Variants in PRKDC observed in about 807,000 individuals in gnomAD.
PRKDC encodes protein kinase, DNA-activated, catalytic subunit.
A neutral mutation model predicts 486.9 loss-of-function variants in PRKDC; 82 were observed. That is an observed-to-expected ratio of 0.17 (90% confidence interval 0.14 to 0.20). The LOEUF (loss-of-function observed/expected upper bound fraction) is 0.20. PRKDC is among the 10% of genes least tolerant of loss of function. The pLI is 1.00. For missense variants in PRKDC, 4,504 were observed against 5,038.2 expected, an observed-to-expected ratio of 0.89 and a Z score of 3.21; for synonymous variants, 1,895 against 1,837.0, an observed-to-expected ratio of 1.03 and a Z score of -0.81.
At chr8:47,930,274 T>C (rs978845592) in intron 17 of PRKDC, among the ~76,000 whole-genome samples, 1 of 152,198 alleles carries the variant, frequency 6.6e-6, no homozygotes, top group African/African-American at 2.4e-5. Context: ...TTATTATTTG[T>C]TATTTATTTA....
Position 47,804,461 on chromosome 8 carries a change from G to A in PRKDC, c.9748-981C>T, listed in dbSNP as rs552507845. Among the ~76,000 whole-genome samples the A allele has an allele frequency of 2.0e-5, 3 of 151,958 alleles. No individual in the cohort carries two copies. In the South Asian group the frequency reaches 6.2e-4, roughly 32 times the overall value. The stretch of plus-strand genomic sequence containing the variant: ...ATTACAAGTGTGTGCTACCACATCT[G>A]GCTAATTTTTGTATTTTTAGTAGAG... On this transcript the variant is annotated intron_variant, in intron 69 of 85. Transcript: ENST00000314191.
intron 21 of PRKDC, 81 bp downstream of exon 21, chr8:47,927,113 A>C: frequency 7.4e-7 from 1 of 1,343,780 alleles, no homozygotes; most frequent in Non-Finnish European, 1.0e-6. Context: ...TTCAGAAGTT[A>C]CAAAAATACA....
intron 67 of PRKDC, among the ~76,000 whole-genome samples, chr8:47,818,745 A>G (rs2087512045): frequency 6.6e-6 from 1 of 152,230 alleles, no homozygotes. Context: ...GTAGACATAA[A>G]TATCAGTTTT....
chr8:47,910,210 T>A (rs1412550246), intron 25 of PRKDC, among the ~76,000 whole-genome samples: 1 of 152,070 alleles, frequency 6.6e-6, no homozygotes, highest in Non-Finnish European at 1.5e-5. Flanking sequence ...TTCCTCTTAG[T>A]TATTTTCCAT....
chr8:47,825,274 G>A (rs2087709464), intron 63 of PRKDC, among the ~76,000 whole-genome samples: 1 of 152,134 alleles, frequency 6.6e-6, no homozygotes, highest in Non-Finnish European at 1.5e-5. Context: ...GGTGGCTCAT[G>A]GCTGCAATCC....
intron 81 of PRKDC, 57 bp from the exon 82 acceptor site, chr8:47,778,856 AAATTTT>A: frequency 6.5e-7 from 1 of 1,534,182 alleles, no homozygotes; most frequent in Non-Finnish European, 8.8e-7. Flanking sequence ...CTTAAAATTT[AAATTTT>A]AAAACTTTTT....
chr8:47,777,667 C>T lies in PRKDC; in HGVS notation c.12042+19G>A, dbSNP rs2086628968. The T allele has an allele frequency of 6.4e-7, 1 of 1,559,524 alleles. No individual in the cohort carries two copies. Among genetic ancestry groups the T allele is most frequent in the South Asian group, 1.2e-5 (1 of 82,874 alleles). ...GACACTGTCACAAAAGTGAAAAGTG[C>T]ACATGAAACAAAACCTACTTTCCAA... On this transcript the variant is annotated intron_variant, in intron 84 of 85. Transcript: ENST00000314191.
intron 42 of PRKDC, among the ~76,000 whole-genome samples, chr8:47,862,989 G>C (rs531242987): frequency 6.6e-6 from 1 of 152,270 alleles, no homozygotes; most frequent in South Asian, 2.1e-4. Context: ...AAGTTTTAGA[G>C]AAAATACATT....
intron 40 of PRKDC, among the ~76,000 whole-genome samples, chr8:47,871,689 C>T (rs925667748): frequency 9.9e-5 from 15 of 152,200 alleles, no homozygotes; most frequent in African/African-American, 3.4e-4. Flanking sequence ...ACCTCCACCT[C>T]CAGGGTTCAA....
Position 47,773,238 on chromosome 8 carries a change from G to A in PRKDC, c.*935C>T, listed in dbSNP as rs2086551345. 4.4e-6 allele frequency: 1 copy of A among 226,214 alleles called. No individual in the cohort carries two copies. Among genetic ancestry groups the A allele is most frequent in the African/African-American group, 2.2e-5 (1 of 44,860 alleles). 14.0% of individuals were successfully genotyped at this position (226,214 alleles called of 1,614,324 possible). On this transcript the variant is annotated 3_prime_UTR_variant, in exon 86 of 86. Transcript: ENST00000314191. ...GCTAAAAGCCAATCAGAAACAGTTTGGGTGTGGAGGACTGGCGGGGGGGGA... is the reference window on the plus strand; with the variant it reads ...GCTAAAAGCCAATCAGAAACAGTTTAGGTGTGGAGGACTGGCGGGGGGGGA...
At position 47,777,706 on chromosome 8, in the gene PRKDC, C is replaced by G. The variant is rs2086629326; in HGVS notation, c.12022G>C (p.Glu4008Gln). ...CCTACTTTCCAATCAAAGGAGGGCT[C>G]CTTGACAAACACATCCATGGTGTTG... ...LTNTMDVFVK[E>Q]PSFDWKNFEQ... Residue 4008 changes from glutamate (E) to glutamine (Q), a missense_variant, in exon 84 of 86, where the codon GAG (glutamate) becomes CAG (glutamine). This residue lies in a region of PRKDC where 706 missense variants were observed against 945.0 expected (regional missense o/e 0.75). Coordinates refer to ENST00000314191, the MANE Select transcript of PRKDC (RefSeq NM_006904.7). The G allele has an allele frequency of 6.3e-7, 1 of 1,591,186 alleles. No homozygotes were observed. The highest frequency in any genetic ancestry group is 1.1e-5 in the South Asian group (1 of 88,682).
chr8:47,783,601 G>C, intron 78 of PRKDC, 141 bp downstream of exon 78: 1 of 763,420 alleles, frequency 1.3e-6, no homozygotes, highest in Non-Finnish European at 2.1e-6. Flanking sequence ...AAAAAAAAAA[G>C]AGGAATTCAG....
intron 77 of PRKDC, 143 bp downstream of exon 77, chr8:47,784,970 G>GAA: frequency 1.3e-6 from 1 of 791,506 alleles, no homozygotes; most frequent in Non-Finnish European, 2.0e-6. Flanking sequence ...TCCTAATGAT[G>GAA]AAAAATTCGG....
At chr8:47,932,571 G>A (rs1205243804) in intron 16 of PRKDC, among the ~76,000 whole-genome samples, 2 of 152,090 alleles carry the variant, frequency 1.3e-5, no homozygotes, top group African/African-American at 4.8e-5. Flanking sequence ...GAAAAAAAGG[G>A]AGGGCATTTT....
At position 47,935,759 on chromosome 8, in the gene PRKDC, C is replaced by T; in HGVS notation, c.1420G>A (p.Val474Ile). 1 of 1,613,888 alleles carries T rather than the reference C, an allele frequency of 6.2e-7. No homozygotes were observed. The highest frequency in any genetic ancestry group is 8.5e-7 in the Non-Finnish European group (1 of 1,179,844). Residue 474 changes from valine to isoleucine, a missense_variant, in exon 13 of 86, where the codon GTT becomes ATT. Coordinates refer to ENST00000314191, the MANE Select transcript of PRKDC (RefSeq NM_006904.7). ...ACAGTACTAATGCAATTCCTGAGAACTGGCCCTTTTGCTGCCAAAGCTAGG... is the reference window on the plus strand; with the variant it reads ...ACAGTACTAATGCAATTCCTGAGAATTGGCCCTTTTGCTGCCAAAGCTAGG... ...VFLALAAKGP[V>I]LRNCISTVVH...
chr8:47,814,023 G>A (rs2087389206), intron 68 of PRKDC, among the ~76,000 whole-genome samples: 1 of 152,096 alleles, frequency 6.6e-6, no homozygotes, highest in African/African-American at 2.4e-5. Flanking sequence ...AATCCTTAAG[G>A]GATCATCATG....
At chr8:47,944,071 G>T in intron 7 of PRKDC, 42 bp from the exon 8 acceptor site, 1 of 1,469,408 alleles carries the variant, frequency 6.8e-7, no homozygotes, top group Non-Finnish European at 9.3e-7. Context: ...CGTAATAACA[G>T]TATCACATAA....
intron 69 of PRKDC, among the ~76,000 whole-genome samples, chr8:47,804,326 T>C (rs1168137177): frequency 1.4e-5 from 2 of 143,532 alleles, no homozygotes; most frequent in Non-Finnish European, 1.5e-5. Context: ...TGAGATGGAG[T>C]TTCACTCTTA....
In PRKDC at chr8:47,857,019, G is replaced by A. The variant is rs1589746188; in HGVS notation, c.6609+137C>T. 20 of 955,312 alleles carry A rather than the reference G, an allele frequency of 2.1e-5. No homozygotes were observed. In the East Asian group the frequency reaches 3.4e-4, roughly 16 times the overall value. 59.2% of individuals were successfully genotyped at this position (955,312 alleles called of 1,614,324 possible). A position where few individuals can be genotyped will look rare whatever the true frequency, so the allele number is the denominator to read the frequency against. On this transcript the variant is annotated intron_variant, in intron 49 of 85. Transcript: ENST00000314191. ...AGCAGGCTGAGGCCATTTGGTTTAG[G>A]AGCACACCAGCAATGTAGCAACAAA...
Sources: allele counts gnomAD v4.1 joint callset (sites outside exome capture counted in the v4.1 genomes callset), GRCh38; gene constraint gnomAD v4.1.1; regional missense constraint gnomAD v4.1.1; transcripts MANE v1.5; gene names NCBI Gene and HGNC (gene_info 2026-07-23, HGNC 2026-07-21).